The following CDC25C variants were observed in gnomAD, a reference collection of about 807,000 sequenced individuals.
CDC25C encodes the protein cell division cycle 25C.
CDC25C carries 48 observed loss-of-function variants against 52.5 expected under a neutral mutation model. The ratio of observed to expected loss-of-function variants is 0.91; its 90% CI spans 0.72 to 1.16. The LOEUF (loss-of-function observed/expected upper bound fraction) is 1.16. CDC25C is among the 50% of genes most tolerant of loss of function. The pLI is 0.00. For synonymous variants in CDC25C, 187 were observed against 206.5 expected, an observed-to-expected ratio of 0.91 and a Z score of 0.81; for missense variants, 510 against 566.1, an observed-to-expected ratio of 0.90 and a Z score of 1.01.
At chr5:138,304,353 T>C (rs1757845354) in intron 7 of CDC25C, among the ~76,000 whole-genome samples, 1 of 141,322 alleles carries the variant, frequency 7.1e-6, no homozygotes, top group African/African-American at 2.5e-5. Context: ...TTTTTTTTTT[T>C]TGTAGAGACA....
Position 138,329,562 on chromosome 5 carries a change from C to T in CDC25C, c.280G>A (p.Asp94Asn). 1.2e-6 allele frequency: 2 copies of T among 1,603,710 alleles called. No individual in the cohort carries two copies. The highest frequency in any genetic ancestry group is 1.7e-5 in the Admixed American group (1 of 59,870). ...TCTCCCTTCTCCCTACCAGTTTCAT[C>T]AAGGTCTGCAGAAGTGGTAAGCTGA... is the stretch of plus-strand genomic sequence containing the variant. ...ATQLTTSADL[D>N]ETGHLDSSGL... The change falls in exon 3 of 14, where the codon GAT becomes AAT. Residue 94 changes from aspartate to asparagine, a missense_variant. By Grantham distance (23) the Asp-to-Asn change is conservative. Transcript: ENST00000323760.
chr5:138,330,949 G>T, intron 2 of CDC25C, 38 bp downstream of exon 2: 1 of 1,394,676 alleles, frequency 7.2e-7, no homozygotes, highest in Non-Finnish European at 1.0e-6. Context: ...TTTGGAAATA[G>T]CAAAGGCAAT....
chr5:138,332,392 CTTTG>C (rs1261866732), upstream of CDC25C, among the ~76,000 whole-genome samples: 1 of 152,070 alleles, frequency 6.6e-6, no homozygotes, highest in East Asian at 1.9e-4. Context: ...CTTCCAAGAG[CTTTG>C]TTTGGTGTTT....
chr5:138,317,682 T>TA (rs70982706), intron 7 of CDC25C, among the ~76,000 whole-genome samples: 36,500 of 54,136 alleles, frequency 0.67, 11,993 homozygotes, highest in East Asian at 0.83. Flanking sequence ...CCTGTCTATC[T>TA]AAAAAAAAAA....
At chr5:138,289,864 G>A (rs1213669969) in intron 9 of CDC25C, among the ~76,000 whole-genome samples, 1 of 145,762 alleles carries the variant, frequency 6.9e-6, no homozygotes, top group Non-Finnish European at 1.5e-5. Context: ...AAGAAATTAT[G>A]AGCAGCCAAA....
chr5:138,327,775 A>G (rs1237369805), intron 4 of CDC25C, among the ~76,000 whole-genome samples: 4 of 152,232 alleles, frequency 2.6e-5, no homozygotes, highest in Non-Finnish European at 5.9e-5. Flanking sequence ...GGTCCAATGA[A>G]GTTAAAAAAA....
chr5:138,326,584 G>A lies in CDC25C; in HGVS notation c.336-530C>T, dbSNP rs1455296537. On this transcript the variant is annotated intron_variant, in intron 4 of 13. Transcript: ENST00000323760. Reference sequence around the variant, plus strand: ...TCTTGATCTCCTGACCTCGTGATCCGCCCGCCTCAGCCTCCCAAACTTCTG... The same window carrying A: ...TCTTGATCTCCTGACCTCGTGATCCACCCGCCTCAGCCTCCCAAACTTCTG... Among the ~76,000 whole-genome samples the A allele has an allele frequency of 5.9e-5, 9 of 151,936 alleles. No individual in the cohort carries two copies. In the East Asian group the frequency reaches 1.4e-3, roughly 23 times the overall value.
At chr5:138,297,851 T>C (rs985399409) in intron 7 of CDC25C, among the ~76,000 whole-genome samples, 2 of 152,178 alleles carry the variant, frequency 1.3e-5, no homozygotes, top group Non-Finnish European at 2.9e-5. Context: ...GAAAGGTCCT[T>C]ATAAGACATA....
At position 138,291,752 on chromosome 5, in the gene CDC25C, T is replaced by C. The variant is rs531643610; in HGVS notation, c.762+218A>G. 1.7e-3 allele frequency among the ~76,000 whole-genome samples: 258 copies of C among 150,518 alleles called. 2 individuals are homozygous for C. The highest frequency in any genetic ancestry group is 5.9e-3 in the African/African-American group (244 of 41,330). On this transcript the variant is annotated intron_variant, in intron 8 of 13. Transcript: ENST00000323760. ...CATTTCTAAAAGTACAATATAGATA[T>C]ACTTTATGTATCTATGTTATATAAA...
At chr5:138,306,777 AT>A (rs895258049) in intron 7 of CDC25C, among the ~76,000 whole-genome samples, 120 of 134,510 alleles carry the variant, frequency 8.9e-4, no homozygotes, top group Admixed American at 1.4e-3. Flanking sequence ...TGCCTGGCCT[AT>A]TTTTTTTTTT....
At chr5:138,330,763 C>T (rs1760304415) in intron 2 of CDC25C, among the ~76,000 whole-genome samples, 2 of 152,228 alleles carry the variant, frequency 1.3e-5, no homozygotes, top group African/African-American at 4.8e-5. Flanking sequence ...CCCTCCTTGG[C>T]CTCCCAAAGT....
chr5:138,292,840 G>C (rs1039860183), intron 7 of CDC25C, among the ~76,000 whole-genome samples: 4 of 152,250 alleles, frequency 2.6e-5, no homozygotes, highest in East Asian at 1.9e-4. Flanking sequence ...AATGACCTCT[G>C]ATAACACCTT....
chr5:138,322,569 G>A (rs1299244408), intron 6 of CDC25C, among the ~76,000 whole-genome samples: 40 of 136,680 alleles, frequency 2.9e-4, no homozygotes, highest in Admixed American at 1.2e-3. Flanking sequence ...TCCGCCTCCC[G>A]GGTTCACGCC....
chr5:138,322,541 T>C (rs1449382250), intron 6 of CDC25C, among the ~76,000 whole-genome samples: 1 of 131,828 alleles, frequency 7.6e-6, no homozygotes, highest in African/African-American at 2.8e-5. Context: ...AGTGGCACGA[T>C]CTCGGCTCAC....
At chr5:138,308,147 T>A (rs1278925167) in intron 7 of CDC25C, among the ~76,000 whole-genome samples, 3 of 152,278 alleles carry the variant, frequency 2.0e-5, no homozygotes, top group Admixed American at 2.0e-4. Flanking sequence ...CATGGACCTG[T>A]GTTGATCCAT....
At chr5:138,319,473 GA>G (rs1246962975) in intron 6 of CDC25C, 99 bp from the exon 7 acceptor site, 18 of 924,604 alleles carry the variant, frequency 1.9e-5, no homozygotes, top group Admixed American at 3.5e-5. Flanking sequence ...AAAGATAAGG[GA>G]AAAAATTCAT....
intron 7 of CDC25C, among the ~76,000 whole-genome samples, chr5:138,311,926 A>G (rs1758483644): frequency 6.6e-6 from 1 of 152,214 alleles, no homozygotes; most frequent in African/African-American, 2.4e-5. Context: ...AAGATATACA[A>G]ATGGCCAGGA....
At chr5:138,337,804 G>T in intron 1 of CDC25C, 1 of 437,764 alleles carries the variant, frequency 2.3e-6, no homozygotes, top group Non-Finnish European at 4.0e-6. Context: ...GCTGGGGGAA[G>T]GGGGATTCCT....
chr5:138,295,406 A>G (rs1302773276), intron 7 of CDC25C, among the ~76,000 whole-genome samples: 1 of 152,204 alleles, frequency 6.6e-6, no homozygotes, highest in Non-Finnish European at 1.5e-5. Context: ...TGAGTCCAGT[A>G]GTTCAAAACC....
Sources: allele counts gnomAD v4.1 joint callset (sites outside exome capture counted in the v4.1 genomes callset), GRCh38; gene constraint gnomAD v4.1.1; transcripts MANE v1.5; gene names NCBI Gene and HGNC (gene_info 2026-07-23, HGNC 2026-07-21).